Variants in NRXN3 observed in about 807,000 individuals in gnomAD.
NRXN3 encodes the protein neurexin III.
A neutral mutation model predicts 137.6 loss-of-function variants in NRXN3; 32 were observed. The ratio of observed to expected loss-of-function variants is 0.23; its 90% CI spans 0.18 to 0.31. NRXN3 has a LOEUF of 0.31. Among genes scored for constraint, NRXN3 ranks in the 10% least tolerant of loss-of-function variants. The pLI, the probability that NRXN3 is intolerant of heterozygous loss-of-function variation, is 1.00. For synonymous variants in NRXN3, 798 were observed against 784.5 expected (o/e 1.02, Z -0.29); for missense variants, 1,574 against 2,062.5 (o/e 0.76, Z 4.59).
At chr14:79,279,446 T>C (rs1473726404) in intron 15 of NRXN3, 18 of 986,064 alleles carry the variant, frequency 1.8e-5, no homozygotes, top group Non-Finnish European at 7.2e-6. Flanking sequence ...CTCGGCCACC[T>C]CTGCAGCCTG....
chr14:78,472,026 C>A (rs2095284786), intron 4 of NRXN3, among the ~76,000 whole-genome samples: 1 of 152,202 alleles, frequency 6.6e-6, no homozygotes, highest in African/African-American at 2.4e-5. Context: ...AAAGATGGAA[C>A]CTAAGCCTTT....
rs77805644 is a variant in NRXN3, at chr14:79,264,659, C to T, written c.3263-202562C>T. ...GCCTCACCCTTATGACCTCACTTAA[C>T]CTTAATTACCTCTTTCAAGGCTGTA... On this transcript the variant is annotated intron_variant, in intron 15 of 20. Coordinates refer to ENST00000335750, the MANE Select transcript of NRXN3 (RefSeq NM_001330195.2). 3.5e-3 allele frequency among the ~76,000 whole-genome samples: 530 copies of T among 152,022 alleles called. 6 individuals are homozygous for T. The highest frequency in any genetic ancestry group is 0.013 in the African/African-American group (518 of 41,434).
chr14:79,180,023 T>C (rs540943938), intron 15 of NRXN3, among the ~76,000 whole-genome samples: 2 of 152,320 alleles, frequency 1.3e-5, no homozygotes, highest in African/African-American at 4.8e-5. Context: ...TTTGCTTTCT[T>C]TCTCTTCTAG....
chr14:79,536,162 C>A (rs2097209263), intron 16 of NRXN3, among the ~76,000 whole-genome samples: 1 of 152,102 alleles, frequency 6.6e-6, no homozygotes. Flanking sequence ...AATGTAGGAT[C>A]CATTTATGGT....
chr14:79,807,830 C>G (rs552556384), intron 20 of NRXN3, among the ~76,000 whole-genome samples: 1 of 152,248 alleles, frequency 6.6e-6, no homozygotes, highest in African/African-American at 2.4e-5. Context: ...TTTATTTACT[C>G]CATAAAGTAT....
chr14:79,365,606 C>A (rs1031331246), intron 15 of NRXN3, among the ~76,000 whole-genome samples: 4 of 150,668 alleles, frequency 2.7e-5, no homozygotes, highest in African/African-American at 9.7e-5. Context: ...GTAGTCCCAG[C>A]TACTCGGGAG....
At chr14:79,424,352 C>T (rs12888899) in intron 15 of NRXN3, among the ~76,000 whole-genome samples, 42,324 of 151,820 alleles carry the variant, frequency 0.28, 6,516 homozygotes, top group South Asian at 0.42. Flanking sequence ...AGATTTACCT[C>T]CTAATCTTTA....
At chr14:78,590,163 T>C (rs1320986615) in intron 4 of NRXN3, among the ~76,000 whole-genome samples, 2 of 152,218 alleles carry the variant, frequency 1.3e-5, no homozygotes, top group Non-Finnish European at 2.9e-5. Context: ...TTTGTGGTGC[T>C]CTTTGTGGTG....
At chr14:79,656,488 C>T (rs917996043) in intron 16 of NRXN3, among the ~76,000 whole-genome samples, 1 of 152,182 alleles carries the variant, frequency 6.6e-6, no homozygotes, top group Non-Finnish European at 1.5e-5. Flanking sequence ...TGACTGGTGA[C>T]TTAGAGCCGT....
chr14:79,469,550 T>C (rs2096472216), intron 16 of NRXN3, among the ~76,000 whole-genome samples: 1 of 152,200 alleles, frequency 6.6e-6, no homozygotes, highest in Non-Finnish European at 1.5e-5. Flanking sequence ...TTTCTTTGTA[T>C]GAGCAAAATT....
At chr14:79,856,369 A>G (rs992327372) in intron 20 of NRXN3, among the ~76,000 whole-genome samples, 3 of 152,206 alleles carry the variant, frequency 2.0e-5, no homozygotes, top group Non-Finnish European at 2.9e-5. Flanking sequence ...TCTTTGAAAA[A>G]TTAATTCTTG....
intron 15 of NRXN3, among the ~76,000 whole-genome samples, chr14:79,296,825 A>T (rs1043170372): frequency 4.6e-5 from 7 of 152,184 alleles, no homozygotes; most frequent in African/African-American, 7.2e-5. Flanking sequence ...ATAAATAAAT[A>T]AATTAAGCCT....
At chr14:79,068,635 AG>A (rs1185925135) in intron 15 of NRXN3, among the ~76,000 whole-genome samples, 1 of 152,112 alleles carries the variant, frequency 6.6e-6, no homozygotes, top group East Asian at 1.9e-4. Flanking sequence ...TGGGGATACC[AG>A]ATGTTTTATT....
chr14:78,535,027 A>G (rs1057310279), intron 4 of NRXN3, among the ~76,000 whole-genome samples: 5 of 152,212 alleles, frequency 3.3e-5, no homozygotes, highest in Non-Finnish European at 5.9e-5. Context: ...AGTAAAGACC[A>G]TCTAATTATA....
At chr14:78,427,206 T>A (rs2093697293) in intron 4 of NRXN3, among the ~76,000 whole-genome samples, 2 of 152,192 alleles carry the variant, frequency 1.3e-5, no homozygotes, top group Non-Finnish European at 2.9e-5. Flanking sequence ...TTGATTTCAG[T>A]TATCTCACTT....
intron 4 of NRXN3, among the ~76,000 whole-genome samples, chr14:78,531,124 C>A (rs1455027106): frequency 6.6e-6 from 1 of 152,144 alleles, no homozygotes; most frequent in African/African-American, 2.4e-5. Context: ...CCATTACACA[C>A]AAATCTGAGC....
At chr14:79,158,149 T>A (rs1531631) in intron 15 of NRXN3, among the ~76,000 whole-genome samples, 1 of 151,626 alleles carries the variant, frequency 6.6e-6, no homozygotes, top group Non-Finnish European at 1.5e-5. Context: ...TTCTCCTTTA[T>A]GCTAGGTGAC....
At chr14:78,589,938 CAA>C (rs1346069572) in intron 4 of NRXN3, among the ~76,000 whole-genome samples, 2 of 152,140 alleles carry the variant, frequency 1.3e-5, no homozygotes, top group East Asian at 1.9e-4. Context: ...GCCTGGGCGA[CAA>C]GAGTGAAACT....
chr14:79,323,340 C>A (rs150673558), intron 15 of NRXN3, among the ~76,000 whole-genome samples: 274 of 152,200 alleles, frequency 1.8e-3, no homozygotes, highest in African/African-American at 5.5e-3. Flanking sequence ...CCATGCCTGC[C>A]CTAATGGTGT....
Sources: gnomAD v4.1 joint callset for allele counts (sites outside exome capture counted in the v4.1 genomes callset) on GRCh38, gnomAD v4.1.1 for gene constraint, MANE v1.5 for transcripts, NCBI Gene and HGNC (gene_info 2026-07-23, HGNC 2026-07-21) for gene names.